The following LRMDA variants were observed in gnomAD, a reference collection of about 807,000 sequenced individuals.
The protein encoded by LRMDA is leucine-rich melanocyte differentiation-associated protein.
LRMDA carries 18 observed loss-of-function variants against 29.8 expected under a neutral mutation model. The observed-to-expected ratio is 0.60, with a 90% CI of 0.42 to 0.90. LRMDA has a LOEUF of 0.90. LRMDA is among the 40% of genes least tolerant of loss of function. The probability of loss-of-function intolerance (pLI) is 0.00; values close to 1 mark genes in which losing one functional copy is unlikely to be tolerated. For synonymous variants in LRMDA, 125 were observed against 109.4 expected, an observed-to-expected ratio of 1.14 and a Z score of -0.89; for missense variants, 273 against 273.9, an observed-to-expected ratio of 1.00 and a Z score of 0.02.
At chr10:76,542,970 G>A (rs1156640240) in intron 6 of LRMDA, among the ~76,000 whole-genome samples, 1 of 152,136 alleles carries the variant, frequency 6.6e-6, no homozygotes, top group Admixed American at 6.5e-5. Context: ...CTAGGTGAAG[G>A]GAAGTGAGGA....
At chr10:75,815,144 A>G (rs1020885234) in intron 2 of LRMDA, among the ~76,000 whole-genome samples, 1 of 152,168 alleles carries the variant, frequency 6.6e-6, no homozygotes, top group African/African-American at 2.4e-5. Context: ...GGCATTTTTC[A>G]TGTTCACTAG....
In LRMDA at chr10:76,393,080, A is replaced by G. The variant is rs532404489; in HGVS notation, c.601+68595A>G. Among the ~76,000 whole-genome samples the G allele has an allele frequency of 2.8e-4, 43 of 152,258 alleles. 1 individual carries two copies. Among genetic ancestry groups the G allele is most frequent in the African/African-American group, 1.0e-3 (42 of 41,572 alleles). On this transcript the variant is annotated intron_variant, in intron 6 of 6. Transcript: ENST00000611255. Reference sequence around the variant, plus strand: ...TACACCACACTTTCTTAATCCATTCATTCATTGATGGAACCGTAGACTGAT... The same window carrying G: ...TACACCACACTTTCTTAATCCATTCGTTCATTGATGGAACCGTAGACTGAT...
chr10:76,000,955 G>A (rs1303251588), intron 2 of LRMDA, among the ~76,000 whole-genome samples: 2 of 152,150 alleles, frequency 1.3e-5, no homozygotes, highest in South Asian at 2.1e-4. Context: ...GCCCCCTCAC[G>A]TTGATTCATT....
chr10:76,166,673 T>C (rs1003918433), intron 5 of LRMDA, among the ~76,000 whole-genome samples: 1 of 152,226 alleles, frequency 6.6e-6, no homozygotes, highest in African/African-American at 2.4e-5. Context: ...GGCTGCGTAG[T>C]ATTCCATGGT....
At chr10:75,751,812 A>G (rs2132220173) in intron 2 of LRMDA, among the ~76,000 whole-genome samples, 1 of 152,294 alleles carries the variant, frequency 6.6e-6, no homozygotes, top group East Asian at 1.9e-4. Context: ...TCACTCACAG[A>G]GAGGTAGTAC....
Position 76,376,864 on chromosome 10 carries a change from TC to T in LRMDA, c.601+52380del, listed in dbSNP as rs1396826644. ...CAAATGTTTGTTGGGCACTTGGAAGTCTTTTTTTTTTTTTTTTTTTTTTTTT... is the reference window on the plus strand; with the variant it reads ...CAAATGTTTGTTGGGCACTTGGAAGTTTTTTTTTTTTTTTTTTTTTTTTTT... On this transcript the variant is annotated intron_variant, in intron 6 of 6. Transcript: ENST00000611255. Among the ~76,000 whole-genome samples the T allele has an allele frequency of 4.4e-5, 4 of 89,918 alleles. 1 individual carries two copies. The highest frequency in any genetic ancestry group is 6.5e-5 in the Non-Finnish European group (3 of 45,870). 59.0% of individuals were successfully genotyped at this position (89,918 alleles called of 152,430 possible).
intron 3 of LRMDA, among the ~76,000 whole-genome samples, chr10:76,042,578 A>G (rs1364006013): frequency 2.6e-5 from 4 of 152,248 alleles, no homozygotes; most frequent in African/African-American, 9.6e-5. Context: ...TATTTGGAAT[A>G]GAACTGTATC....
In LRMDA at chr10:76,324,434, C is replaced by T. The variant is rs369831117; in HGVS notation, c.550C>T (p.Arg184Cys). 119 of 1,614,066 alleles carry T rather than the reference C, an allele frequency of 7.4e-5. No homozygotes were observed. Among genetic ancestry groups the T allele is most frequent in the Admixed American group, 1.5e-4 (9 of 60,006 alleles). Residue 184 changes from arginine (R) to cysteine (C), a missense_variant, in exon 6 of 7, where the codon CGC becomes TGC. Transcript: ENST00000611255. ...TGAGGACGTTGCCAGCTCCCCGGAG[C>T]GCCACTACACGCCCTTGCCTTCTGC... ...SSEDVASSPE[R>C]HYTPLPSASR...
chr10:76,182,942 G>A (rs567000111), intron 5 of LRMDA, among the ~76,000 whole-genome samples: 1 of 152,292 alleles, frequency 6.6e-6, no homozygotes, highest in South Asian at 2.1e-4. Flanking sequence ...TATAAAATGA[G>A]TTGACTGGGG....
At chr10:76,132,676 G>A (rs892997349) in intron 5 of LRMDA, among the ~76,000 whole-genome samples, 4 of 152,148 alleles carry the variant, frequency 2.6e-5, no homozygotes, top group East Asian at 1.9e-4. Flanking sequence ...GTAGGTGAGC[G>A]CATGAGTACG....
At chr10:76,073,641 G>A (rs1169622635) in intron 5 of LRMDA, among the ~76,000 whole-genome samples, 1 of 152,164 alleles carries the variant, frequency 6.6e-6, no homozygotes, top group Non-Finnish European at 1.5e-5. Context: ...GTCACAAGGT[G>A]TGGGCACACA....
chr10:75,652,632 C>T (rs866561001), intron 2 of LRMDA, among the ~76,000 whole-genome samples: 5 of 152,206 alleles, frequency 3.3e-5, no homozygotes, highest in Middle Eastern at 6.8e-3. Context: ...ATGTACAGTC[C>T]ACTGTCCTCG....
intron 2 of LRMDA, among the ~76,000 whole-genome samples, chr10:75,542,710 A>G (rs1179735849): frequency 6.6e-6 from 1 of 152,142 alleles, no homozygotes; most frequent in African/African-American, 2.4e-5. Flanking sequence ...TACACCCCCA[A>G]TGGGGTGAGA....
At chr10:75,625,478 G>T (rs1357635770) in intron 2 of LRMDA, among the ~76,000 whole-genome samples, 1 of 152,186 alleles carries the variant, frequency 6.6e-6, no homozygotes, top group Non-Finnish European at 1.5e-5. Context: ...AGGCTGATTA[G>T]AGTAGATCAG....
chr10:75,886,983 G>C (rs535040252), intron 2 of LRMDA, among the ~76,000 whole-genome samples: 1 of 152,198 alleles, frequency 6.6e-6, no homozygotes, highest in South Asian at 2.1e-4. Flanking sequence ...GTGTGTCTCT[G>C]TTGTGGTAAG....
intron 5 of LRMDA, among the ~76,000 whole-genome samples, chr10:76,308,257 G>A (rs1840583836): frequency 6.6e-6 from 1 of 152,082 alleles, no homozygotes; most frequent in Non-Finnish European, 1.5e-5. Context: ...TCTTTATTAT[G>A]CAACTTTGAA....
chr10:76,264,869 A>G (rs1007010579), intron 5 of LRMDA, among the ~76,000 whole-genome samples: 3 of 152,234 alleles, frequency 2.0e-5, no homozygotes, highest in African/African-American at 4.8e-5. Context: ...CAGTAAATTA[A>G]ATAAGCTTTC....
chr10:75,725,202 T>C (rs990222036), intron 2 of LRMDA, among the ~76,000 whole-genome samples: 1 of 152,190 alleles, frequency 6.6e-6, no homozygotes, highest in Non-Finnish European at 1.5e-5. Flanking sequence ...TCCAATCCCC[T>C]TTTTTCCCAA....
intron 2 of LRMDA, among the ~76,000 whole-genome samples, chr10:75,922,625 A>G (rs1846045431): frequency 6.6e-6 from 1 of 152,052 alleles, no homozygotes; most frequent in Admixed American, 6.6e-5. Flanking sequence ...TCCACATATT[A>G]CACTGCCCTC....
Sources: gnomAD v4.1 joint callset for allele counts (sites outside exome capture counted in the v4.1 genomes callset) on GRCh38, gnomAD v4.1.1 for gene constraint, MANE v1.5 for transcripts, NCBI Gene and HGNC (gene_info 2026-07-23, HGNC 2026-07-21) for gene names.